The following PTPRK variants were observed in gnomAD, a reference collection of about 807,000 sequenced individuals.
The protein encoded by PTPRK is protein tyrosine phosphatase receptor type K.
Under a neutral mutation model 178.0 loss-of-function variants are expected in PTPRK, and 75 were observed. The observed-to-expected ratio is 0.42, with a 90% CI of 0.35 to 0.51. The LOEUF is 0.51. Among genes scored for constraint, PTPRK ranks in the 20% least tolerant of loss-of-function variants. The pLI, the probability that PTPRK is intolerant of heterozygous loss-of-function variation, is 0.02. For missense variants in PTPRK, 1,441 were observed against 1,797.8 expected (o/e 0.80, Z 3.59); for synonymous variants, 637 against 620.6 (o/e 1.03, Z -0.39).
Position 128,322,231 on chromosome 6 carries a change from G to A in PTPRK, c.303C>T (p.Asn101=), listed in dbSNP as rs1045550055. The A allele has an allele frequency of 4.1e-5, 66 of 1,613,232 alleles. No homozygotes were observed. Among genetic ancestry groups the A allele is most frequent in the Admixed American group, 8.3e-5 (5 of 59,938 alleles). The change falls in exon 3 of 30, where the codon AAC becomes AAT. Residue 101 remains asparagine, a synonymous_variant. Coordinates refer to ENST00000368226, the MANE Select transcript of PTPRK (RefSeq NM_002844.4). The part of the protein sequence containing the change: ...ARLQLPTMKE[N]DTHCIDFSYL... ...AACTGAAATCAATGCAGTGAGTGTC[G>A]TTCTCCTTCATTGTAGGCAGCTGAA...
At chr6:128,326,328 C>A (rs991033010) in intron 2 of PTPRK, among the ~76,000 whole-genome samples, 8 of 152,162 alleles carry the variant, frequency 5.3e-5, no homozygotes, top group African/African-American at 1.9e-4. Flanking sequence ...GAGATACATA[C>A]CTTCTGATCT....
At chr6:128,367,521 A>G (rs1042845735) in intron 2 of PTPRK, among the ~76,000 whole-genome samples, 2 of 152,114 alleles carry the variant, frequency 1.3e-5, no homozygotes, top group Non-Finnish European at 2.9e-5. Context: ...AAAAACACCA[A>G]TACCCTGGCC....
chr6:128,003,265 T>A, intron 15 of PTPRK: 5 of 974,346 alleles, frequency 5.1e-6, no homozygotes, highest in Non-Finnish European at 7.9e-6. Flanking sequence ...AAGGAATATA[T>A]TGCTCTAAAA....
chr6:128,414,188 G>T (rs1461197376), intron 1 of PTPRK, among the ~76,000 whole-genome samples: 1 of 152,088 alleles, frequency 6.6e-6, no homozygotes, highest in Non-Finnish European at 1.5e-5. Flanking sequence ...CCAACTCCTA[G>T]TATTAGAGTT....
At chr6:128,274,797 T>C (rs1382009600) in intron 3 of PTPRK, among the ~76,000 whole-genome samples, 1 of 152,050 alleles carries the variant, frequency 6.6e-6, no homozygotes, top group Non-Finnish European at 1.5e-5. Context: ...AATTAATGTC[T>C]GTTTGAACCA....
intron 10 of PTPRK, 108 bp from the exon 11 acceptor site, chr6:128,079,026 T>A: frequency 1.6e-6 from 1 of 611,006 alleles, no homozygotes; most frequent in Non-Finnish European, 2.9e-6. Flanking sequence ...TTCACCTAAT[T>A]ATCTACAACG....
At chr6:128,183,644 A>G (rs1379151912) in intron 7 of PTPRK, among the ~76,000 whole-genome samples, 1 of 152,206 alleles carries the variant, frequency 6.6e-6, no homozygotes, top group Non-Finnish European at 1.5e-5. Context: ...ACAGATGCTC[A>G]AGAAACAAAA....
chr6:128,366,400 T>C (rs924811667), intron 2 of PTPRK, among the ~76,000 whole-genome samples: 8 of 152,138 alleles, frequency 5.3e-5, no homozygotes, highest in Admixed American at 3.9e-4. Context: ...TGTTAAAGTT[T>C]TAATAATTTC....
At position 127,968,995 on chromosome 6, in the gene PTPRK, C is replaced by T. The variant is rs965450232; in HGVS notation, c.*1232G>A. The T allele has an allele frequency of 6.6e-6, 1 of 152,176 alleles. No homozygotes were observed. The highest frequency in any genetic ancestry group is 6.5e-5 in the Admixed American group (1 of 15,276). The allele number at this position is 152,176 out of a possible 1,614,324, so 9.4% of individuals were successfully genotyped here. ...AAGAATCCCATGACAATGCGCAAAA[C>T]AGGAATCTGGCATTGATTTGTTCAC... is the stretch of plus-strand genomic sequence containing the variant. On this transcript the variant is annotated 3_prime_UTR_variant, in exon 30 of 30. Transcript: ENST00000368226.
chr6:128,181,577 G>C (rs1319682812), intron 7 of PTPRK, among the ~76,000 whole-genome samples: 2 of 151,970 alleles, frequency 1.3e-5, no homozygotes, highest in African/African-American at 4.8e-5. Context: ...TCCTCCAAAG[G>C]TTATTTTTGG....
intron 2 of PTPRK, among the ~76,000 whole-genome samples, chr6:128,349,842 C>G (rs567155023): frequency 3.3e-5 from 5 of 152,066 alleles, no homozygotes; most frequent in Admixed American, 6.6e-5. Context: ...TGTGGAAACT[C>G]TTTAATGATT....
At chr6:128,167,487 A>C (rs1355607148) in intron 7 of PTPRK, among the ~76,000 whole-genome samples, 1 of 151,876 alleles carries the variant, frequency 6.6e-6, no homozygotes. Context: ...GTAAAATGTC[A>C]ATTTTAGTAT....
At chr6:128,241,824 C>T (rs1426355842) in intron 4 of PTPRK, among the ~76,000 whole-genome samples, 1 of 150,036 alleles carries the variant, frequency 6.7e-6, no homozygotes, top group Non-Finnish European at 1.5e-5. Context: ...TGTGGTTGCC[C>T]AGGCTGGAGT....
chr6:128,313,455 A>G (rs765257660), intron 3 of PTPRK, among the ~76,000 whole-genome samples: 7 of 152,174 alleles, frequency 4.6e-5, no homozygotes, highest in Non-Finnish European at 1.0e-4. Context: ...AGGAGAAGGG[A>G]GAGACCACTG....
chr6:128,086,402 T>C (rs1405928407), intron 8 of PTPRK, among the ~76,000 whole-genome samples: 2 of 152,132 alleles, frequency 1.3e-5, no homozygotes, highest in Non-Finnish European at 2.9e-5. Flanking sequence ...CAAAACCTCA[T>C]ACAGAAAATT....
chr6:128,088,145 A>C lies in PTPRK; in HGVS notation c.1465+1545T>G, dbSNP rs534816954. ...GTAACCCTAGCACTTTGGGAGGCGGAGGCGGGTGGATCACTCGATGTCAGG... is the reference window on the plus strand; with the variant it reads ...GTAACCCTAGCACTTTGGGAGGCGGCGGCGGGTGGATCACTCGATGTCAGG... On this transcript the variant is annotated intron_variant, in intron 8 of 29. Coordinates refer to ENST00000368226, the MANE Select transcript of PTPRK (RefSeq NM_002844.4). Among the ~76,000 whole-genome samples, 4 of 152,228 alleles carry C rather than the reference A, an allele frequency of 2.6e-5. No individual in the cohort carries two copies. In the South Asian group the frequency reaches 8.3e-4, roughly 32 times the overall value.
chr6:128,380,295 G>A (rs181592650), intron 2 of PTPRK, among the ~76,000 whole-genome samples: 3 of 152,128 alleles, frequency 2.0e-5, no homozygotes, highest in Admixed American at 2.0e-4. Flanking sequence ...TTAAAAGGGT[G>A]CAAAGGAGAC....
intron 1 of PTPRK, among the ~76,000 whole-genome samples, chr6:128,458,485 GTATAA>G (rs2128410654): frequency 6.6e-6 from 1 of 152,286 alleles, no homozygotes; most frequent in African/African-American, 2.4e-5. Context: ...CTACACATTT[GTATAA>G]TATGACTTGA....
At chr6:128,501,969 A>C (rs953448095) in intron 1 of PTPRK, among the ~76,000 whole-genome samples, 10 of 152,214 alleles carry the variant, frequency 6.6e-5, no homozygotes, top group Admixed American at 3.3e-4. Flanking sequence ...AATTGGATGA[A>C]AATCTACCTA....
Sources: gnomAD v4.1 joint callset for allele counts (sites outside exome capture counted in the v4.1 genomes callset) on GRCh38, gnomAD v4.1.1 for gene constraint, MANE v1.5 for transcripts, NCBI Gene and HGNC (gene_info 2026-07-23, HGNC 2026-07-21) for gene names.